Variants in SNX6 observed in about 807,000 individuals in gnomAD.
SNX6 encodes sorting nexin-6.
In SNX6, 34 loss-of-function variants were observed where a neutral mutation model predicts 63.0. The ratio of observed to expected loss-of-function variants is 0.54; its 90% CI spans 0.41 to 0.72. The LOEUF (loss-of-function observed/expected upper bound fraction) is 0.72. SNX6 is among the 30% of genes least tolerant of loss of function. SNX6 has a pLI of 0.00. For synonymous variants in SNX6, 170 were observed against 164.2 expected (o/e 1.04, Z -0.27); for missense variants, 398 against 471.4 (o/e 0.84, Z 1.44).
intron 5 of SNX6, chr14:34,604,253 C>T (rs1475028384): frequency 7.8e-7 from 1 of 1,283,522 alleles, no homozygotes; most frequent in Admixed American, 2.4e-5. Flanking sequence ...ACCCAAGGTT[C>T]TCTGTTATCC....
chr14:34,571,129 A>G (rs1881433605), intron 11 of SNX6, among the ~76,000 whole-genome samples: 1 of 151,994 alleles, frequency 6.6e-6, no homozygotes, highest in South Asian at 2.1e-4. Flanking sequence ...ATGAGCTATC[A>G]AGCCATGAAA....
chr14:34,609,795 T>C (rs1387340385), intron 2 of SNX6, 53 bp from the exon 3 acceptor site: 1 of 1,265,432 alleles, frequency 7.9e-7, no homozygotes, highest in Non-Finnish European at 1.1e-6. Flanking sequence ...TATAATTTCA[T>C]TTTTTCTCTT....
intron 3 of SNX6, among the ~76,000 whole-genome samples, chr14:34,609,250 A>G (rs1883130729): frequency 6.6e-6 from 1 of 152,030 alleles, no homozygotes; most frequent in African/African-American, 2.4e-5. Context: ...CTTTGGGCGG[A>G]TAACAAGGTT....
chr14:34,594,311 T>C (rs1182015703), intron 7 of SNX6, among the ~76,000 whole-genome samples: 1 of 61,764 alleles, frequency 1.6e-5, no homozygotes, highest in Non-Finnish European at 4.1e-5. Context: ...CTTCAACCTT[T>C]TTTTTTTTTT....
At chr14:34,618,382 GCT>G (rs1883503843) in intron 2 of SNX6, among the ~76,000 whole-genome samples, 2 of 152,034 alleles carry the variant, frequency 1.3e-5, no homozygotes, top group South Asian at 2.1e-4. Context: ...ATGGAGTCTT[GCT>G]CTGTCGCCAA....
chr14:34,629,085 A>G (rs969072728), intron 2 of SNX6, among the ~76,000 whole-genome samples: 3 of 151,598 alleles, frequency 2.0e-5, no homozygotes, highest in African/African-American at 7.3e-5. Context: ...TGGAGCGTCG[A>G]TGTTGGTCAA....
intron 2 of SNX6, among the ~76,000 whole-genome samples, chr14:34,614,792 G>A (rs944791383): frequency 1.3e-5 from 2 of 152,140 alleles, no homozygotes; most frequent in Admixed American, 6.6e-5. Flanking sequence ...GCCCACATTT[G>A]TAGTCTCTGC....
chr14:34,569,195 C>T (rs1191032930), intron 11 of SNX6: 3 of 699,446 alleles, frequency 4.3e-6, no homozygotes, highest in Non-Finnish European at 7.8e-6. Flanking sequence ...TAAGTAACAG[C>T]TTGATAGTCC....
chr14:34,574,104 G>A (rs940432934), intron 11 of SNX6, among the ~76,000 whole-genome samples: 90 of 151,112 alleles, frequency 6.0e-4, no homozygotes, highest in African/African-American at 1.8e-3. Flanking sequence ...TTGGGAGGCC[G>A]AGGTGGGGGG....
intron 11 of SNX6, among the ~76,000 whole-genome samples, chr14:34,573,529 C>T (rs1881544000): frequency 6.6e-6 from 1 of 151,980 alleles, no homozygotes; most frequent in Non-Finnish European, 1.5e-5. Context: ...AACCCAAGAT[C>T]ATGCCACTGC....
intron 7 of SNX6, 26 bp from the exon 8 acceptor site, chr14:34,593,176 CT>C (rs1246544072): frequency 4.9e-6 from 7 of 1,420,000 alleles, no homozygotes; most frequent in Admixed American, 4.5e-5. Flanking sequence ...AAAATATAAA[CT>C]TTTTTCACTT....
chr14:34,594,853 T>C (rs1469678031), intron 7 of SNX6, among the ~76,000 whole-genome samples: 2 of 152,004 alleles, frequency 1.3e-5, no homozygotes, highest in East Asian at 3.9e-4. Context: ...TCCCAGCACT[T>C]TGGGGAGGCC....
At chr14:34,600,498 G>C (rs980320377) in intron 6 of SNX6, among the ~76,000 whole-genome samples, 1 of 150,674 alleles carries the variant, frequency 6.6e-6, no homozygotes, top group Admixed American at 6.6e-5. Flanking sequence ...GGCTGGTCTC[G>C]AACTCCTTGG....
intron 2 of SNX6, 48 bp downstream of exon 2, chr14:34,629,859 G>C: frequency 6.5e-7 from 1 of 1,549,776 alleles, no homozygotes; most frequent in Non-Finnish European, 8.7e-7. Flanking sequence ...ACCCAGGATG[G>C]GGAAGGAGGG....
At chr14:34,585,822 G>A (rs567218605) in intron 9 of SNX6, among the ~76,000 whole-genome samples, 1 of 152,024 alleles carries the variant, frequency 6.6e-6, no homozygotes, top group Admixed American at 6.6e-5. Context: ...GGTTGGTCTT[G>A]AACTCCGGAC....
At chr14:34,624,926 T>C (rs772973209) in intron 2 of SNX6, among the ~76,000 whole-genome samples, 2 of 152,172 alleles carry the variant, frequency 1.3e-5, no homozygotes, top group Non-Finnish European at 2.9e-5. Context: ...AAATTCCCCT[T>C]TCTTTTCGAG....
chr14:34,628,180 C>T (rs536127575), intron 2 of SNX6, among the ~76,000 whole-genome samples: 66 of 151,846 alleles, frequency 4.3e-4, no homozygotes, highest in African/African-American at 1.6e-3. Flanking sequence ...AACAAACAGG[C>T]CGGGCGTGGT....
At chr14:34,577,375 C>T (rs1025968974) in intron 10 of SNX6, among the ~76,000 whole-genome samples, 4 of 152,090 alleles carry the variant, frequency 2.6e-5, no homozygotes, top group South Asian at 2.1e-4. Flanking sequence ...AGATGTGAGC[C>T]GCTGTGCCCA....
chr14:34,587,417 T>C (rs972351616), intron 8 of SNX6, among the ~76,000 whole-genome samples: 7 of 149,860 alleles, frequency 4.7e-5, no homozygotes, highest in East Asian at 4.0e-4. Context: ...CCTGTAGTCC[T>C]AGCTACTCGG....
Sources: allele counts gnomAD v4.1 joint callset (sites outside exome capture counted in the v4.1 genomes callset), GRCh38; gene constraint gnomAD v4.1.1; transcripts MANE v1.5; gene names NCBI Gene and HGNC (gene_info 2026-07-23, HGNC 2026-07-21).